Variants in ZNF451 observed in about 807,000 individuals in gnomAD.
ZNF451 encodes the protein E3 SUMO-protein ligase ZNF451.
Under a neutral mutation model 107.1 loss-of-function variants are expected in ZNF451, and 80 were observed. The ratio of observed to expected loss-of-function variants is 0.75; its 90% CI spans 0.62 to 0.90. The LOEUF is 0.90. Ranked by LOEUF, ZNF451 falls within the 40% of genes least tolerant of loss-of-function variation. The pLI is 0.00. For synonymous variants in ZNF451, 362 were observed against 406.5 expected, an observed-to-expected ratio of 0.89 and a Z score of 1.32; for missense variants, 1,107 against 1,236.2, an observed-to-expected ratio of 0.90 and a Z score of 1.57.
At chr6:57,136,798 A>G (rs1831450307) in intron 7 of ZNF451, among the ~76,000 whole-genome samples, 2 of 152,114 alleles carry the variant, frequency 1.3e-5, no homozygotes, top group African/African-American at 4.8e-5. Flanking sequence ...TTTTTTCCCC[A>G]AATTTCATTA....
chr6:57,155,375 A>G (rs1239821989), intron 13 of ZNF451, among the ~76,000 whole-genome samples: 1 of 152,072 alleles, frequency 6.6e-6, no homozygotes, highest in East Asian at 1.9e-4. Context: ...AATCCCAGCT[A>G]CTCGGGAGGC....
chr6:57,133,191 AG>A lies in ZNF451; in HGVS notation c.575+1del. ...GCACCTTCTCTTAGGACATTTGAAAAGGTAAGTAGGATATTCATAATAGTGA... is the reference window on the plus strand; with the variant it reads ...GCACCTTCTCTTAGGACATTTGAAAAGTAAGTAGGATATTCATAATAGTGA... ...NGHLLLGHLK[R>X]FDHSPCDPTI... is the part of the protein sequence containing the mutation. On this transcript the variant is annotated frameshift_variant and splice_region_variant, in exon 6 of 15. Transcript: ENST00000370706. LOFTEE classifies it high-confidence loss of function. 1 of 1,613,138 alleles carries A rather than the reference AG, an allele frequency of 6.2e-7. No homozygotes were observed. The highest frequency in any genetic ancestry group is 2.2e-5 in the East Asian group (1 of 44,838).
intron 3 of ZNF451, among the ~76,000 whole-genome samples, chr6:57,099,889 TG>T (rs1342397964): frequency 1.3e-5 from 2 of 152,226 alleles, no homozygotes; most frequent in Non-Finnish European, 2.9e-5. Flanking sequence ...GACTTGGACT[TG>T]GAATCAGAAT....
chr6:57,148,653 G>A lies in ZNF451; in HGVS notation c.2568G>A (p.Met856Ile), dbSNP rs568184453. The A allele has an allele frequency of 3.7e-6, 6 of 1,613,000 alleles. No individual in the cohort carries two copies. The highest frequency in any genetic ancestry group is 5.1e-6 in the Non-Finnish European group (6 of 1,179,632). ...QAINYSKSLD[M>I]EKGVENDLSY... ...TAAACTATTCAAAAAGTTTAGACAT[G>A]GAGAAAGGAGTTGAGAATGACCTAA... Residue 856 changes from methionine to isoleucine, a missense_variant, in exon 10 of 15, where the codon ATG becomes ATA. Met to Ile is a conservative substitution (Grantham distance 10). Coordinates refer to ENST00000370706, the MANE Select transcript of ZNF451 (RefSeq NM_001031623.3).
intron 2 of ZNF451, among the ~76,000 whole-genome samples, chr6:57,097,463 A>G (rs1366927186): frequency 6.6e-6 from 1 of 152,174 alleles, no homozygotes; most frequent in Admixed American, 6.5e-5. Flanking sequence ...TGTTTCCAAC[A>G]TACTGGATTT....
At chr6:57,117,225 G>T (rs191544378) in intron 3 of ZNF451, among the ~76,000 whole-genome samples, 1 of 152,192 alleles carries the variant, frequency 6.6e-6, no homozygotes, top group African/African-American at 2.4e-5. Context: ...TACAGCTGTT[G>T]GTTGAGCATC....
chr6:57,127,700 A>G (rs1240771504), intron 4 of ZNF451, among the ~76,000 whole-genome samples: 1 of 152,156 alleles, frequency 6.6e-6, no homozygotes, highest in Non-Finnish European at 1.5e-5. Flanking sequence ...ACCTCTGTGT[A>G]CCTCAGGTTT....
chr6:57,102,692 C>T (rs2127941166), intron 3 of ZNF451: 1 of 985,432 alleles, frequency 1.0e-6, no homozygotes, highest in Non-Finnish European at 1.2e-6. Context: ...TTTGTGTCAA[C>T]TGGAATTCAA....
rs1831780349 is a variant in ZNF451, at chr6:57,141,863, A to C, written c.857-85A>C. 3 of 1,172,710 alleles carry C rather than the reference A, an allele frequency of 2.6e-6. No individual in the cohort carries two copies. In the South Asian group the frequency reaches 4.9e-5, roughly 19 times the overall value. 72.6% of individuals were successfully genotyped at this position (1,172,710 alleles called of 1,614,324 possible). On this transcript the variant is annotated intron_variant, in intron 8 of 14. Coordinates refer to ENST00000370706, the MANE Select transcript of ZNF451 (RefSeq NM_001031623.3). Reference sequence around the variant, plus strand: ...CTGTCTTCTTTTACTTACTCCAACTAATGTTGAGAAGGGCTGAGGGGAGGA... The same window carrying C: ...CTGTCTTCTTTTACTTACTCCAACTCATGTTGAGAAGGGCTGAGGGGAGGA...
At position 57,168,603 on chromosome 6, in the gene ZNF451, T is replaced by C. The variant is rs1028287361; in HGVS notation, c.*134T>C. The stretch of plus-strand genomic sequence containing the variant: ...GAAAACATGTTTTTGCTTTCATATG[T>C]TCAAAATCTGATCTTTGTTTTGTAT... On this transcript the variant is annotated 3_prime_UTR_variant, in exon 15 of 15. Coordinates refer to ENST00000370706, the MANE Select transcript of ZNF451 (RefSeq NM_001031623.3). 2 of 711,474 alleles carry C rather than the reference T, an allele frequency of 2.8e-6. No homozygotes were observed. Among genetic ancestry groups the C allele is most frequent in the East Asian group, 2.8e-5 (1 of 35,850 alleles). 44.1% of individuals were successfully genotyped at this position (711,474 alleles called of 1,614,324 possible).
chr6:57,147,385 A>T lies in ZNF451; in HGVS notation c.1300A>T (p.Lys434Ter). Residue 434 changes from lysine to a stop codon, truncating the protein, a stop_gained, in exon 10 of 15, where the codon AAA (lysine) becomes TAA (stop). Transcript: ENST00000370706. LOFTEE classifies it high-confidence loss of function. ...ATCACTTAAAAGAACCATGTCTATT[A>T]AAGAATCTAGCTCACTGGAGTGCAT... Reference protein sequence around the residue: ...FSSLKRTMSIKESSSLECIAI... With the variant: ...FSSLKRTMSI The T allele has an allele frequency of 6.2e-7, 1 of 1,614,152 alleles. No homozygotes were observed.
rs184170062 is a variant in ZNF451 at position 57,117,407 on chromosome 6, A to G, written c.187-7327A>G. On this transcript the variant is annotated intron_variant, in intron 3 of 14. Coordinates refer to ENST00000370706, the MANE Select transcript of ZNF451 (RefSeq NM_001031623.3). The stretch of plus-strand genomic sequence containing the variant: ...ATATGTAGGCTACTAATAGCTAAAT[A>G]TAAGAAAAACAATTGTAGTAAATAA... 9.7e-4 allele frequency among the ~76,000 whole-genome samples: 147 copies of G among 152,156 alleles called. 1 individual carries two copies. Among genetic ancestry groups the G allele is most frequent in the Non-Finnish European group, 1.9e-3 (130 of 68,004 alleles).
intron 13 of ZNF451, chr6:57,154,298 T>C (rs535917002): frequency 3.6e-6 from 2 of 560,346 alleles, no homozygotes; most frequent in East Asian, 2.8e-5. Context: ...TATTGATGTA[T>C]ATAAAACATA....
chr6:57,098,481 T>G (rs1829432481), intron 2 of ZNF451, among the ~76,000 whole-genome samples: 1 of 152,208 alleles, frequency 6.6e-6, no homozygotes, highest in Non-Finnish European at 1.5e-5. Context: ...TACTCCTCTA[T>G]GTGATTGATC....
At chr6:57,102,497 G>A (rs1263037372) in intron 3 of ZNF451, 1 of 992,434 alleles carries the variant, frequency 1.0e-6, no homozygotes, top group African/African-American at 1.7e-5. Context: ...CTAGATGTCT[G>A]TTTACTAAGA....
intron 2 of ZNF451, among the ~76,000 whole-genome samples, chr6:57,098,336 T>A (rs1227861444): frequency 6.6e-6 from 1 of 151,792 alleles, no homozygotes; most frequent in Non-Finnish European, 1.5e-5. Flanking sequence ...CCTGGCCTAA[T>A]AATCAATCTC....
At chr6:57,154,351 G>T in intron 13 of ZNF451, 1 of 451,184 alleles carries the variant, frequency 2.2e-6, no homozygotes. Flanking sequence ...TAAAAGCTCA[G>T]AATTCAGATC....
At chr6:57,107,542 G>A in intron 3 of ZNF451, 1 of 983,912 alleles carries the variant, frequency 1.0e-6, no homozygotes, top group Non-Finnish European at 1.2e-6. Context: ...ATAGTTTATG[G>A]TCATATGTAT....
intron 6 of ZNF451, among the ~76,000 whole-genome samples, chr6:57,134,445 T>TA (rs961967631): frequency 9.8e-5 from 15 of 152,332 alleles, no homozygotes; most frequent in East Asian, 3.9e-4. Flanking sequence ...ATGCTGGACT[T>TA]ACAATTTTCA....
Sources: allele counts gnomAD v4.1 joint callset (sites outside exome capture counted in the v4.1 genomes callset), GRCh38; gene constraint gnomAD v4.1.1; transcripts MANE v1.5; gene names NCBI Gene and HGNC (gene_info 2026-07-23, HGNC 2026-07-21).